COMMD6: variants seen among roughly 807,000 people sequenced by gnomAD.
The protein encoded by COMMD6 is COMM domain containing 6, also known as COMM domain-containing protein 6.
A neutral mutation model predicts 13.4 loss-of-function variants in COMMD6; 11 were observed. The ratio of observed to expected loss-of-function variants is 0.82; its 90% CI spans 0.52 to 1.36. The LOEUF is 1.36. Ranked by LOEUF, COMMD6 falls within the 40% of genes most tolerant of loss-of-function variation. The pLI, the probability that COMMD6 is intolerant of heterozygous loss-of-function variation, is 0.00. For synonymous variants in COMMD6, 43 were observed against 36.5 expected (o/e 1.18, Z -0.64); for missense variants, 124 against 102.4 (o/e 1.21, Z -0.91).
rs2030656276 is a variant in COMMD6 at position 75,536,146 on chromosome 13, T to TG, written c.54+1517_54+1518insC. ...AAGCAATCCTCCCAAAGCCCTGAGC[T>TG]TACAGTCATGAGCCACCATGGCTGG... On this transcript the variant is annotated intron_variant, in intron 2 of 3. Transcript: ENST00000682242. Among the ~76,000 whole-genome samples the TG allele has an allele frequency of 2.0e-5, 3 of 152,214 alleles. No individual in the cohort carries two copies. The South Asian group carries it at 6.2e-4, about 31-fold the overall frequency.
At chr13:75,537,402 A>C in intron 2 of COMMD6, 1 of 1,551,182 alleles carries the variant, frequency 6.4e-7, no homozygotes, top group South Asian at 1.2e-5. Flanking sequence ...GCTTCGAATA[A>C]CTGTCGCCTA....
At chr13:75,526,683 G>T (rs1447254476) in intron 3 of COMMD6, 44 bp from the exon 4 acceptor site, 54 of 1,349,316 alleles carry the variant, frequency 4.0e-5, no homozygotes, top group Non-Finnish European at 5.5e-5. Flanking sequence ...GCTTTTAGAA[G>T]ATATTTAAGT....
In COMMD6 at chr13:75,526,532, G is replaced by GA. The variant is rs2030265185; in HGVS notation, c.*56dup. ...TCCATCCTTATTTAGTTTTGTTGCC[G>GA]AAAGTGAAGTCCATGACTTTAGAAT... is the stretch of plus-strand genomic sequence containing the variant. On this transcript the variant is annotated 3_prime_UTR_variant, in exon 4 of 4. Transcript: ENST00000682242. 3 of 1,188,746 alleles carry GA rather than the reference G, an allele frequency of 2.5e-6. No individual in the cohort carries two copies. The highest frequency in any genetic ancestry group is 3.6e-6 in the Non-Finnish European group (3 of 841,094). The allele number at this position is 1,188,746 out of a possible 1,614,324, so 73.6% of individuals were successfully genotyped here. A position where few individuals can be genotyped will look rare whatever the true frequency, so the allele number is the denominator to read the frequency against.
intron 3 of COMMD6, chr13:75,527,760 G>GC: frequency 1.5e-6 from 2 of 1,371,548 alleles, no homozygotes; most frequent in Non-Finnish European, 1.9e-6. Flanking sequence ...ACACAGAAAG[G>GC]CTAATACTGC....
At chr13:75,527,650 C>A (rs566873952) in intron 3 of COMMD6, among the ~76,000 whole-genome samples, 1 of 152,094 alleles carries the variant, frequency 6.6e-6, no homozygotes, top group South Asian at 2.1e-4. Context: ...TACATACACA[C>A]ACAATGGAAT....
chr13:75,545,620 C>T (rs1191637295), intron 1 of COMMD6, among the ~76,000 whole-genome samples: 3 of 151,982 alleles, frequency 2.0e-5, no homozygotes, highest in Non-Finnish European at 4.4e-5. Context: ...TACAGACGCC[C>T]GCCACCACGC....
Position 75,530,410 on chromosome 13 carries a change from TAG to T in COMMD6, c.55-146_55-145del, listed in dbSNP as rs1224191128. ...TAAAGTATCTTCATTTTAATACTGCTAGAGGAACAATAATCAAATGAAAAAAT... is the reference window on the plus strand; with the variant it reads ...TAAAGTATCTTCATTTTAATACTGCTAGGAACAATAATCAAATGAAAAAAT... On this transcript the variant is annotated intron_variant, in intron 2 of 3. Coordinates refer to ENST00000682242, the MANE Select transcript of COMMD6 (RefSeq NM_203495.4). The T allele has an allele frequency of 5.5e-6, 3 of 544,724 alleles. No homozygotes were observed. In the African/African-American group the frequency reaches 5.8e-5, roughly 10 times the overall value. 33.7% of individuals were successfully genotyped at this position (544,724 alleles called of 1,614,324 possible).
chr13:75,545,979 TAAG>T (rs1222603653), intron 1 of COMMD6, among the ~76,000 whole-genome samples: 2 of 152,146 alleles, frequency 1.3e-5, no homozygotes, highest in Non-Finnish European at 2.9e-5. Context: ...AAAAATAACT[TAAG>T]GAGTATAATT....
chr13:75,543,272 C>G (rs983522645), upstream of COMMD6, among the ~76,000 whole-genome samples: 1 of 152,082 alleles, frequency 6.6e-6, no homozygotes, highest in African/African-American at 2.4e-5. Flanking sequence ...GCTGAGCCCC[C>G]CTGACACACA....
intron 2 of COMMD6, among the ~76,000 whole-genome samples, chr13:75,537,221 T>C (rs184704487): frequency 6.6e-6 from 1 of 152,242 alleles, no homozygotes. Flanking sequence ...GGCTAAGATA[T>C]ACTTTAAAAG....
chr13:75,531,120 C>T (rs985315239), intron 2 of COMMD6, among the ~76,000 whole-genome samples: 3 of 152,178 alleles, frequency 2.0e-5, no homozygotes, highest in African/African-American at 7.2e-5. Context: ...AAAACTAATG[C>T]TCACTGGGCA....
chr13:75,536,317 TC>T, intron 2 of COMMD6, among the ~76,000 whole-genome samples: 1 of 152,358 alleles, frequency 6.6e-6, no homozygotes, highest in African/African-American at 2.4e-5. Flanking sequence ...TCTTGGCTTT[TC>T]CTATGCAAAC....
At chr13:75,538,901 G>C (rs1375456269), upstream of COMMD6, 2 of 152,222 alleles carry the variant, frequency 1.3e-5, no homozygotes, top group Non-Finnish European at 2.9e-5. Context: ...TTTGGGTGGG[G>C]GACAGGGGTG....
chr13:75,545,521 C>G (rs1167874038), intron 1 of COMMD6, among the ~76,000 whole-genome samples: 1 of 151,200 alleles, frequency 6.6e-6, no homozygotes, highest in African/African-American at 2.4e-5. Flanking sequence ...GGCTGGAGTG[C>G]CGTGGCGGTG....
chr13:75,542,515 C>G (rs1159148911), upstream of COMMD6, among the ~76,000 whole-genome samples: 2 of 152,186 alleles, frequency 1.3e-5, no homozygotes, highest in African/African-American at 4.8e-5. Context: ...TCTCGAACTC[C>G]TGACCTCAGG....
upstream of COMMD6, among the ~76,000 whole-genome samples, chr13:75,541,114 C>T (rs1386277709): frequency 4.6e-5 from 7 of 152,086 alleles, no homozygotes; most frequent in Non-Finnish European, 8.8e-5. Flanking sequence ...CCCTATTTGT[C>T]GGTTTAGCAT....
chr13:75,530,367 A>G, intron 2 of COMMD6, 101 bp from the exon 3 acceptor site: 1 of 825,312 alleles, frequency 1.2e-6, no homozygotes. Context: ...TTTAGTTTCA[A>G]CGCTGGTCAT....
At chr13:75,535,400 C>A (rs7985488) in intron 2 of COMMD6, among the ~76,000 whole-genome samples, 1 of 152,134 alleles carries the variant, frequency 6.6e-6, no homozygotes, top group South Asian at 2.1e-4. Flanking sequence ...TCCAGACCGC[C>A]AGGTGAGGCA....
chr13:75,532,496 T>C (rs2030514162), intron 2 of COMMD6, among the ~76,000 whole-genome samples: 1 of 152,244 alleles, frequency 6.6e-6, no homozygotes, highest in Non-Finnish European at 1.5e-5. Flanking sequence ...GCGGAACCAA[T>C]TACAGATGAA....
Sources: allele counts gnomAD v4.1 joint callset (sites outside exome capture counted in the v4.1 genomes callset), GRCh38; gene constraint gnomAD v4.1.1; transcripts MANE v1.5; gene names NCBI Gene and HGNC (gene_info 2026-07-23, HGNC 2026-07-21).